KSR2: variants seen among roughly 807,000 people sequenced by gnomAD.
KSR2 encodes kinase suppressor of ras 2.
KSR2 carries 25 observed loss-of-function variants against 107.8 expected under a neutral mutation model. The observed-to-expected ratio is 0.23, with a 90% CI of 0.17 to 0.32. The LOEUF is 0.32. KSR2 is among the 10% of genes least tolerant of loss of function. The pLI is 1.00. For missense variants in KSR2, 887 were observed against 1,268.9 expected (o/e 0.70, Z 4.57); for synonymous variants, 480 against 507.0 (o/e 0.95, Z 0.71).
At chr12:117,753,576 A>G (rs546529433) in intron 4 of KSR2, among the ~76,000 whole-genome samples, 1 of 152,288 alleles carries the variant, frequency 6.6e-6, no homozygotes, top group East Asian at 1.9e-4. Flanking sequence ...AAAACCAAAT[A>G]CCGCATGTTC....
At position 117,911,178 on chromosome 12, in the gene KSR2, A is replaced by T. The variant is rs868694556; in HGVS notation, c.181-50747T>A. Among the ~76,000 whole-genome samples the T allele has an allele frequency of 7.0e-3, 980 of 139,630 alleles. 9 individuals carry two copies. Among genetic ancestry groups the T allele is most frequent in the African/African-American group, 0.024 (902 of 37,992 alleles). The allele number at this position is 139,630 out of a possible 152,430, so 91.6% of individuals were successfully genotyped here. On this transcript the variant is annotated intron_variant, in intron 1 of 19. Transcript: ENST00000339824. ...TTCTTTCTCTCTCTCTCTCTCTCAC[A>T]CACACACACACACACACACACTCAA... is the stretch of plus-strand genomic sequence containing the variant.
intron 9 of KSR2, among the ~76,000 whole-genome samples, chr12:117,552,060 C>T (rs1877349286): frequency 6.6e-6 from 1 of 152,198 alleles, no homozygotes; most frequent in Non-Finnish European, 1.5e-5. Flanking sequence ...CCAGAAGCCT[C>T]GCCATTTGAA....
At chr12:117,785,684 T>C (rs1007054971) in intron 3 of KSR2, among the ~76,000 whole-genome samples, 1 of 152,070 alleles carries the variant, frequency 6.6e-6, no homozygotes, top group African/African-American at 2.4e-5. Flanking sequence ...ATGAGCTCAA[T>C]ATCAAAACGG....
At position 117,462,827 on chromosome 12, in the gene KSR2, C is replaced by G. The variant is rs1403107607; in HGVS notation, c.*4372G>C. ...GAGAACCAGTGTGGGGAAAGAAAGC[C>G]GGGGATGGGAATAAAATCACAGAGC... is the stretch of plus-strand genomic sequence containing the variant. On this transcript the variant is annotated 3_prime_UTR_variant, in exon 20 of 20. Transcript: ENST00000339824. 1 of 152,026 alleles carries G rather than the reference C, an allele frequency of 6.6e-6. No individual in the cohort carries two copies. The highest frequency in any genetic ancestry group is 1.5e-5 in the Non-Finnish European group (1 of 68,032). 9.4% of individuals were successfully genotyped at this position (152,026 alleles called of 1,614,324 possible). A position where few individuals can be genotyped will look rare whatever the true frequency, so the allele number is the denominator to read the frequency against.
rs1870976487 is a variant in KSR2 at position 117,462,938 on chromosome 12, G to C, written c.*4261C>G. On this transcript the variant is annotated 3_prime_UTR_variant, in exon 20 of 20. Coordinates refer to ENST00000339824, the MANE Select transcript of KSR2 (RefSeq NM_173598.6). ...TGTGCAGTCACAGAGGAAAGGCCAC[G>C]TGAGGTCACGATCAGAGGGCAGCTG... The C allele has an allele frequency of 6.6e-6, 1 of 152,228 alleles. No homozygotes were observed. The allele number at this position is 152,228 out of a possible 1,614,324, so 9.4% of individuals were successfully genotyped here.
At chr12:117,553,950 C>G (rs1198565090) in intron 9 of KSR2, among the ~76,000 whole-genome samples, 1 of 152,044 alleles carries the variant, frequency 6.6e-6, no homozygotes, top group Non-Finnish European at 1.5e-5. Context: ...AGCCTGTGGC[C>G]TCCCCAGAAG....
In KSR2 at chr12:117,537,761, G is replaced by A. The variant is rs574241181; in HGVS notation, c.1687+1958C>T. Among the ~76,000 whole-genome samples the A allele has an allele frequency of 3.3e-5, 5 of 152,306 alleles. No homozygotes were observed. In the South Asian group the frequency reaches 1.0e-3, roughly 32 times the overall value. The stretch of plus-strand genomic sequence containing the variant: ...TCATGGCCTGTCATGGAGCAGATGG[G>A]GATAAGGTGGCACGCTAGAACAGCA... On this transcript the variant is annotated intron_variant, in intron 10 of 19. Coordinates refer to ENST00000339824, the MANE Select transcript of KSR2 (RefSeq NM_173598.6).
intron 3 of KSR2, among the ~76,000 whole-genome samples, chr12:117,853,058 C>T: frequency 6.6e-6 from 1 of 152,166 alleles, no homozygotes; most frequent in East Asian, 1.9e-4. Context: ...CGGCCTCGGC[C>T]TCCTAAAGTG....
At chr12:117,587,199 T>C (rs1004453724) in intron 5 of KSR2, among the ~76,000 whole-genome samples, 1 of 152,126 alleles carries the variant, frequency 6.6e-6, no homozygotes, top group Non-Finnish European at 1.5e-5. Context: ...CCTGGGAGTA[T>C]GTTATCTTAT....
intron 1 of KSR2, among the ~76,000 whole-genome samples, chr12:117,908,204 T>C (rs1034164720): frequency 2.0e-5 from 3 of 152,064 alleles, no homozygotes; most frequent in Admixed American, 1.3e-4. Flanking sequence ...TTTACATATA[T>C]TTCTGAAAAA....
chr12:117,884,255 C>T (rs1894110241), intron 1 of KSR2, among the ~76,000 whole-genome samples: 1 of 152,088 alleles, frequency 6.6e-6, no homozygotes, highest in Admixed American at 6.5e-5. Flanking sequence ...TACATCTCGG[C>T]ACAATTCCCA....
At chr12:117,935,009 G>C (rs1259811520) in intron 1 of KSR2, among the ~76,000 whole-genome samples, 1 of 150,152 alleles carries the variant, frequency 6.7e-6, no homozygotes, top group Non-Finnish European at 1.5e-5. Flanking sequence ...AAAATTTTTT[G>C]TAGAGACAGG....
In KSR2 at chr12:117,747,405, G is replaced by A. The variant is rs57479320; in HGVS notation, c.986+13606C>T. ...CAATGAGAACACATGGACACAGGGT[G>A]GGGAACAACACACACCGGGGCCTGT... On this transcript the variant is annotated intron_variant, in intron 4 of 19. Transcript: ENST00000339824. Among the ~76,000 whole-genome samples, 3,214 of 151,436 alleles carry A rather than the reference G, an allele frequency of 0.021. 217 individuals carry two copies. In the East Asian group the frequency reaches 0.29, roughly 14 times the overall value.
chr12:117,480,322 T>G (rs898565943), intron 16 of KSR2, among the ~76,000 whole-genome samples: 1 of 152,136 alleles, frequency 6.6e-6, no homozygotes, highest in Non-Finnish European at 1.5e-5. Flanking sequence ...TGACCACGCC[T>G]GGCACGGGTG....
At chr12:117,859,505 G>GACA (rs1361650025) in intron 2 of KSR2, among the ~76,000 whole-genome samples, 3 of 148,792 alleles carry the variant, frequency 2.0e-5, no homozygotes, top group Admixed American at 6.8e-5. Flanking sequence ...CACCCAGGCT[G>GACA]GAGTGCAGAG....
In KSR2 at chr12:117,517,136, C is replaced by G. The variant is rs147353847; in HGVS notation, c.2219+7716G>C. ...AGGACATGGTTTGGATCCCCCCATA[C>G]GTGGAGAAAAGCCACCTACCATCCA... On this transcript the variant is annotated intron_variant, in intron 14 of 19. Transcript: ENST00000339824. Among the ~76,000 whole-genome samples, 531 of 152,288 alleles carry G rather than the reference C, an allele frequency of 3.5e-3. 1 individual carries two copies. The highest frequency in any genetic ancestry group is 0.012 in the African/African-American group (487 of 41,546).
At chr12:117,943,625 G>A (rs1243628533) in intron 1 of KSR2, among the ~76,000 whole-genome samples, 2 of 151,506 alleles carry the variant, frequency 1.3e-5, no homozygotes, top group African/African-American at 4.9e-5. Flanking sequence ...TACATACAAT[G>A]GAATATTATT....
At chr12:117,689,790 G>A (rs1885740266) in intron 4 of KSR2, among the ~76,000 whole-genome samples, 1 of 151,822 alleles carries the variant, frequency 6.6e-6, no homozygotes, top group Admixed American at 6.6e-5. Context: ...TTCATTATAT[G>A]TTGATATGAG....
chr12:117,792,350 TA>T (rs34784722), intron 3 of KSR2, among the ~76,000 whole-genome samples: 88 of 145,774 alleles, frequency 6.0e-4, no homozygotes, highest in Admixed American at 6.2e-4. Context: ...ACACTGTCTT[TA>T]AAAAAAAAAA....
Sources: allele counts gnomAD v4.1 joint callset (sites outside exome capture counted in the v4.1 genomes callset), GRCh38; gene constraint gnomAD v4.1.1; transcripts MANE v1.5; gene names NCBI Gene and HGNC (gene_info 2026-07-23, HGNC 2026-07-21).